PCDHGB4: variants seen among roughly 807,000 people sequenced by gnomAD.
PCDHGB4 encodes the protein protocadherin gamma subfamily B, 4.
In PCDHGB4, 38 loss-of-function variants were observed where a neutral mutation model predicts 60.5. The ratio of observed to expected loss-of-function variants is 0.63; its 90% CI spans 0.48 to 0.82. The LOEUF (loss-of-function observed/expected upper bound fraction) is 0.82, where lower values mean the gene tolerates loss of function less well. Among genes scored for constraint, PCDHGB4 ranks in the 40% least tolerant of loss-of-function variants. The pLI is 0.00. For synonymous variants in PCDHGB4, 456 were observed against 509.7 expected, an observed-to-expected ratio of 0.89 and a Z score of 1.42; for missense variants, 1,109 against 1,209.6, an observed-to-expected ratio of 0.92 and a Z score of 1.23.
chr5:141,418,125 G>T (rs765373450), intron 1 of PCDHGB4: 7 of 1,613,968 alleles, frequency 4.3e-6, no homozygotes, highest in African/African-American at 2.7e-5. Flanking sequence ...GTGAAGGACC[G>T]AATAGACCGT....
chr5:141,446,266 A>C (rs1268290014), intron 1 of PCDHGB4, among the ~76,000 whole-genome samples: 1 of 152,174 alleles, frequency 6.6e-6, no homozygotes, highest in African/African-American at 2.4e-5. Context: ...TTATTAACTG[A>C]ATAAATACAA....
chr5:141,496,160 G>C (rs1428576442), intron 2 of PCDHGB4, among the ~76,000 whole-genome samples: 2 of 151,600 alleles, frequency 1.3e-5, no homozygotes, highest in Admixed American at 6.6e-5. Flanking sequence ...CTCTCCACCA[G>C]ACACCCTCCC....
At chr5:141,470,957 TCCTCCCACCTCAG>T (rs2099244488) in intron 1 of PCDHGB4, among the ~76,000 whole-genome samples, 1 of 152,026 alleles carries the variant, frequency 6.6e-6, no homozygotes, top group South Asian at 2.1e-4. Flanking sequence ...CCTCAAGTGA[TCCTCCCACCTCAG>T]CCTCCCAAAG....
intron 1 of PCDHGB4, among the ~76,000 whole-genome samples, chr5:141,448,434 G>A (rs2098588755): frequency 1.3e-5 from 2 of 152,052 alleles, no homozygotes; most frequent in Non-Finnish European, 2.9e-5. Context: ...TATATATTGA[G>A]AAGTCTGACT....
At chr5:141,473,944 CTGTA>C (rs2099333270) in intron 1 of PCDHGB4, among the ~76,000 whole-genome samples, 2 of 152,156 alleles carry the variant, frequency 1.3e-5, no homozygotes, top group Non-Finnish European at 2.9e-5. Context: ...TAGCTCAGGC[CTGTA>C]GTCCCATCTA....
chr5:141,388,733 A>G lies in PCDHGB4; in HGVS notation c.849A>G (p.Glu283=). 1 of 1,613,986 alleles carries G rather than the reference A, an allele frequency of 6.2e-7. No individual in the cohort carries two copies. Among genetic ancestry groups the G allele is most frequent in the Non-Finnish European group, 8.5e-7 (1 of 1,179,886 alleles). ...VNAEITFSFS[E]ASQITQFDLN... is the part of the protein sequence containing the mutation. ...CCGAGATTACTTTCTCTTTCAGTGAAGCTAGCCAGATCACCCAATTTGACC... is the reference window on the plus strand; with the variant it reads ...CCGAGATTACTTTCTCTTTCAGTGAGGCTAGCCAGATCACCCAATTTGACC... Residue 283 remains glutamate (E), a synonymous_variant, in exon 1 of 4, where the codon GAA becomes GAG. Coordinates refer to ENST00000519479, the MANE Select transcript of PCDHGB4 (RefSeq NM_003736.4).
Position 141,394,592 on chromosome 5 carries a change from G to A in PCDHGB4, c.2397+4311G>A, listed in dbSNP as rs754585576. The A allele has an allele frequency of 3.3e-4, 534 of 1,613,642 alleles. 1 individual carries two copies. Among genetic ancestry groups the A allele is most frequent in the Non-Finnish European group, 4.3e-4 (502 of 1,180,046 alleles). On this transcript the variant is annotated intron_variant, in intron 1 of 3. Coordinates refer to ENST00000519479, the MANE Select transcript of PCDHGB4 (RefSeq NM_003736.4). ...GCTACCTGGTGACCAAGGTGGTGGC[G>A]GTGGACAGAGACTCGGGCCAGAACG...
At chr5:141,436,042 T>A (rs1246680632) in intron 1 of PCDHGB4, among the ~76,000 whole-genome samples, 4 of 152,182 alleles carry the variant, frequency 2.6e-5, no homozygotes, top group Non-Finnish European at 5.9e-5. Context: ...TGTATTTACA[T>A]TAGTTTTCAA....
In PCDHGB4 at chr5:141,486,649, C is replaced by G; in HGVS notation, c.2398-8158C>G. On this transcript the variant is annotated intron_variant, in intron 1 of 3. Transcript: ENST00000519479. This position sits in a 1 kb window ranked among gnomAD's most constrained non-coding sequence, Gnocchi z 5.0. The stretch of plus-strand genomic sequence containing the variant: ...CTGGCTTGAATGCGCTTATCTCCTA[C>G]TCACTCCTGGAGCCCAGGAATCGAG... The G allele has an allele frequency of 6.2e-7, 1 of 1,613,952 alleles. No individual in the cohort carries two copies. The highest frequency in any genetic ancestry group is 8.5e-7 in the Non-Finnish European group (1 of 1,180,034).
intron 1 of PCDHGB4, among the ~76,000 whole-genome samples, chr5:141,463,191 C>T (rs2099054821): frequency 6.6e-6 from 1 of 152,100 alleles, no homozygotes; most frequent in Non-Finnish European, 1.5e-5. Flanking sequence ...TATTATTTAG[C>T]CAAAGACTTG....
At chr5:141,409,964 G>A (rs1042730924) in intron 1 of PCDHGB4, 5 of 1,613,300 alleles carry the variant, frequency 3.1e-6, no homozygotes, top group East Asian at 2.2e-5. Flanking sequence ...CGGCTACCTA[G>A]TGACTAAGGT....
chr5:141,405,533 C>T (rs2094681755), intron 1 of PCDHGB4: 2 of 648,174 alleles, frequency 3.1e-6, no homozygotes. Context: ...GATTCTCCTG[C>T]CTCAGCCTCC....
rs1297899765 is a variant in PCDHGB4, at chr5:141,431,815, C to T, written c.2397+41534C>T. ...CCCCAGAAGTGGTCCTCACCTCTCTCGCCAGCTCGGTTCCCGAAAACTCTC... is the reference window on the plus strand; with the variant it reads ...CCCCAGAAGTGGTCCTCACCTCTCTTGCCAGCTCGGTTCCCGAAAACTCTC... On this transcript the variant is annotated intron_variant, in intron 1 of 3. Transcript: ENST00000519479. The surrounding 1 kb of genome is among the most constrained non-coding windows in gnomAD (Gnocchi z 4.8). 5 of 1,614,124 alleles carry T rather than the reference C, an allele frequency of 3.1e-6. No homozygotes were observed. The Admixed American group carries it at 5.0e-5, about 16-fold the overall frequency.
intron 1 of PCDHGB4, chr5:141,408,616 A>C (rs1242634693): frequency 6.2e-7 from 1 of 1,614,052 alleles, no homozygotes. Flanking sequence ...AAAAGGAAAT[A>C]CATTTAGAAA....
intron 1 of PCDHGB4, among the ~76,000 whole-genome samples, chr5:141,405,839 G>C (rs2094725144): frequency 6.6e-6 from 1 of 152,134 alleles, no homozygotes; most frequent in African/African-American, 2.4e-5. Context: ...AGTATAAGTT[G>C]ATATCAGTGT....
intron 1 of PCDHGB4, chr5:141,421,807 G>C (rs1435916603): frequency 6.2e-7 from 1 of 1,613,852 alleles, no homozygotes; most frequent in Admixed American, 1.7e-5. Flanking sequence ...CAAGAATCCA[G>C]AGCTAGTACT....
rs1246027327 is a variant in PCDHGB4, at chr5:141,491,976, C to A, written c.2398-2831C>A. On this transcript the variant is annotated intron_variant, in intron 1 of 3. Transcript: ENST00000519479. This position sits in a 1 kb window ranked among gnomAD's most constrained non-coding sequence, Gnocchi z 6.9. ...ACTCAAAAAAGGCCGGGGCCTCCTT[C>A]GAGCTTCCGGTGAATTTCGGGCGAT... 3 of 800,708 alleles carry A rather than the reference C, an allele frequency of 3.7e-6. No individual in the cohort carries two copies. The Admixed American group carries it at 1.1e-4, about 30-fold the overall frequency. 49.6% of individuals were successfully genotyped at this position (800,708 alleles called of 1,614,324 possible).
rs1386737349 is a variant in PCDHGB4 at position 141,486,423 on chromosome 5, C to T, written c.2398-8384C>T. The T allele has an allele frequency of 6.2e-7, 1 of 1,614,042 alleles. No individual in the cohort carries two copies. The highest frequency in any genetic ancestry group is 8.5e-7 in the Non-Finnish European group (1 of 1,180,030). ...ACTGCTGGACCCTTGGATCGAGAGG[C>T]CAAATCTAGCTATGACATCATGGTC... is the stretch of plus-strand genomic sequence containing the variant. On this transcript the variant is annotated intron_variant, in intron 1 of 3. Transcript: ENST00000519479. The surrounding 1 kb of genome is among the most constrained non-coding windows in gnomAD (Gnocchi z 5.0).
At chr5:141,473,010 AAAAG>A (rs1014377988) in intron 1 of PCDHGB4, among the ~76,000 whole-genome samples, 22 of 151,958 alleles carry the variant, frequency 1.4e-4, no homozygotes, top group Admixed American at 7.9e-4. Context: ...AAGAAAAAGA[AAAAG>A]AAAGAAGGAA....
Sources: allele counts gnomAD v4.1 joint callset (sites outside exome capture counted in the v4.1 genomes callset), GRCh38; gene constraint gnomAD v4.1.1; non-coding constraint Gnocchi (gnomAD v3.1); transcripts MANE v1.5; gene names NCBI Gene and HGNC (gene_info 2026-07-23, HGNC 2026-07-21).